SERPINI1: variants seen among roughly 807,000 people sequenced by gnomAD.
The protein encoded by SERPINI1 is neuroserpin.
A neutral mutation model predicts 41.1 loss-of-function variants in SERPINI1; 19 were observed. The observed-to-expected ratio is 0.46, with a 90% CI of 0.32 to 0.68. The LOEUF (loss-of-function observed/expected upper bound fraction) is 0.68, where lower values mean the gene tolerates loss of function less well. Ranked by LOEUF, SERPINI1 falls within the 30% of genes least tolerant of loss-of-function variation. SERPINI1 has a pLI of 0.03. For missense variants in SERPINI1, 460 were observed against 479.2 expected (o/e 0.96, Z 0.37); for synonymous variants, 138 against 156.6 (o/e 0.88, Z 0.89).
intron 1 of SERPINI1, among the ~76,000 whole-genome samples, chr3:167,755,215 T>C (rs1408271984): frequency 6.6e-6 from 1 of 152,194 alleles, no homozygotes; most frequent in Non-Finnish European, 1.5e-5. Context: ...CCATGACCTA[T>C]TTCAGGATGG....
At chr3:167,780,586 A>G (rs1560005514) in intron 1 of SERPINI1, among the ~76,000 whole-genome samples, 1 of 152,214 alleles carries the variant, frequency 6.6e-6, no homozygotes. Flanking sequence ...TAACTTGCAC[A>G]GATTTATCTA....
chr3:167,822,414 C>T (rs1269068561), intron 6 of SERPINI1, among the ~76,000 whole-genome samples: 2 of 152,122 alleles, frequency 1.3e-5, no homozygotes, highest in East Asian at 3.8e-4. Flanking sequence ...GTGTTATTTC[C>T]TCTTATCTTA....
At chr3:167,737,018 T>G (rs1725480238) in intron 1 of SERPINI1, among the ~76,000 whole-genome samples, 1 of 152,182 alleles carries the variant, frequency 6.6e-6, no homozygotes, top group Non-Finnish European at 1.5e-5. Flanking sequence ...TGTTTTTTTT[T>G]AATAACCAGG....
At chr3:167,742,038 AGT>A (rs1559992007) in intron 1 of SERPINI1, among the ~76,000 whole-genome samples, 1 of 152,144 alleles carries the variant, frequency 6.6e-6, no homozygotes, top group African/African-American at 2.4e-5. Flanking sequence ...GCAAATAACT[AGT>A]TATCTAGATA....
chr3:167,815,249 C>T (rs1444665140), intron 6 of SERPINI1, among the ~76,000 whole-genome samples: 2 of 152,134 alleles, frequency 1.3e-5, no homozygotes, highest in African/African-American at 4.8e-5. Context: ...TTTGTGGCTG[C>T]AGACACATGC....
Position 167,796,880 on chromosome 3 carries a change from C to T in SERPINI1, c.881+2056C>T, listed in dbSNP as rs140228657. Among the ~76,000 whole-genome samples, 622 of 152,136 alleles carry T rather than the reference C, an allele frequency of 4.1e-3. 4 individuals carry two copies. The highest frequency in any genetic ancestry group is 0.014 in the African/African-American group (589 of 41,480). On this transcript the variant is annotated intron_variant, in intron 5 of 8. Coordinates refer to ENST00000446050, the MANE Select transcript of SERPINI1 (RefSeq NM_001122752.2). The stretch of plus-strand genomic sequence containing the variant: ...ATTTGTAATCCTTTGGGTATATACC[C>T]GGTAATGGGATTGCTGGGTCAAATG...
At chr3:167,762,942 G>A (rs2108540989) in intron 1 of SERPINI1, among the ~76,000 whole-genome samples, 1 of 152,252 alleles carries the variant, frequency 6.6e-6, no homozygotes, top group Non-Finnish European at 1.5e-5. Flanking sequence ...AGGAGGGGAT[G>A]TTGGGAAGGA....
At chr3:167,737,713 A>G (rs1197765015) in intron 1 of SERPINI1, among the ~76,000 whole-genome samples, 1 of 152,174 alleles carries the variant, frequency 6.6e-6, no homozygotes, top group Non-Finnish European at 1.5e-5. Flanking sequence ...TGTTTGAAAG[A>G]GTTTTATTGG....
rs2108576454 is a variant in SERPINI1 at position 167,825,235 on chromosome 3, G to A, written c.1157-12G>A. 6.3e-7 allele frequency: 1 copy of A among 1,590,134 alleles called. No homozygotes were observed. The highest frequency in any genetic ancestry group is 8.6e-7 in the Non-Finnish European group (1 of 1,158,356). On this transcript the variant is annotated splice_polypyrimidine_tract_variant and intron_variant, in intron 8 of 8. Transcript: ENST00000446050. ...TTCACCCCCTCTTTTGTTTACTTCT[G>A]AACCAATACAGGTACAATTCTATTC...
chr3:167,793,567 T>G (rs1727597878), intron 4 of SERPINI1, among the ~76,000 whole-genome samples: 1 of 143,906 alleles, frequency 6.9e-6, no homozygotes, highest in African/African-American at 2.6e-5. Context: ...CAAGACCCTT[T>G]CTCTACAAAT....
intron 1 of SERPINI1, among the ~76,000 whole-genome samples, chr3:167,740,996 G>A (rs1017805597): frequency 8.5e-5 from 13 of 152,238 alleles, no homozygotes; most frequent in African/African-American, 3.1e-4. Flanking sequence ...TGCATTGAGA[G>A]ACCTTAGTAA....
At chr3:167,799,828 G>A (rs1365840968) in intron 5 of SERPINI1, among the ~76,000 whole-genome samples, 2 of 151,936 alleles carry the variant, frequency 1.3e-5, no homozygotes, top group African/African-American at 4.8e-5. Context: ...ATGTTTGTTG[G>A]CCACATAAAT....
At chr3:167,784,067 T>C (rs1727226564) in intron 1 of SERPINI1, among the ~76,000 whole-genome samples, 2 of 152,160 alleles carry the variant, frequency 1.3e-5, no homozygotes, top group African/African-American at 4.8e-5. Flanking sequence ...GATACATCTG[T>C]GGTTTTGACA....
At chr3:167,811,399 A>G (rs971324090) in intron 6 of SERPINI1, among the ~76,000 whole-genome samples, 2 of 151,972 alleles carry the variant, frequency 1.3e-5, no homozygotes, top group African/African-American at 4.8e-5. Flanking sequence ...AAAAAAATTA[A>G]AAGACAGAAT....
intron 1 of SERPINI1, among the ~76,000 whole-genome samples, chr3:167,744,177 T>C (rs1329750691): frequency 6.6e-6 from 1 of 152,126 alleles, no homozygotes; most frequent in Non-Finnish European, 1.5e-5. Context: ...CTATATGATA[T>C]TCAGTATGTT....
chr3:167,757,100 TAATC>T, intron 1 of SERPINI1, among the ~76,000 whole-genome samples: 1 of 152,200 alleles, frequency 6.6e-6, no homozygotes, highest in Non-Finnish European at 1.5e-5. Context: ...AACCTTTAAA[TAATC>T]AAGTTAGTTA....
In SERPINI1 at chr3:167,807,345, A is replaced by C. The variant is rs768731891; in HGVS notation, c.979+4A>C. ...GCAAATTTGACAGGCCTCTCTGGTA[A>C]GAAATAAACACAAATTTTTAAAAAT... On this transcript the variant is annotated splice_donor_region_variant and intron_variant, in intron 6 of 8. Transcript: ENST00000446050. 8 of 1,547,002 alleles carry C rather than the reference A, an allele frequency of 5.2e-6. No homozygotes were observed. Among genetic ancestry groups the C allele is most frequent in the South Asian group, 3.4e-5 (3 of 89,276 alleles).
intron 5 of SERPINI1, among the ~76,000 whole-genome samples, chr3:167,795,735 T>C (rs1264408655): frequency 1.3e-5 from 2 of 152,154 alleles, no homozygotes; most frequent in African/African-American, 4.8e-5. Flanking sequence ...TTTCTGTAAG[T>C]TCTAGGGTAG....
chr3:167,754,840 C>G (rs555331117), intron 1 of SERPINI1, among the ~76,000 whole-genome samples: 26 of 152,300 alleles, frequency 1.7e-4, no homozygotes, highest in Admixed American at 1.2e-3. Context: ...CAGGTTCAAG[C>G]TATTTTTGTC....
Sources: gnomAD v4.1 joint callset for allele counts (sites outside exome capture counted in the v4.1 genomes callset) on GRCh38, gnomAD v4.1.1 for gene constraint, MANE v1.5 for transcripts, NCBI Gene and HGNC (gene_info 2026-07-23, HGNC 2026-07-21) for gene names.